ZNF385B: variants seen among roughly 807,000 people sequenced by gnomAD.
The protein encoded by ZNF385B is zinc finger protein 385B.
Under a neutral mutation model 39.2 loss-of-function variants are expected in ZNF385B, and 23 were observed. The observed-to-expected ratio is 0.59, with a 90% CI of 0.42 to 0.83. The LOEUF (loss-of-function observed/expected upper bound fraction) is 0.83. ZNF385B is among the 40% of genes least tolerant of loss of function. The pLI, the probability that ZNF385B is intolerant of heterozygous loss-of-function variation, is 0.00. For missense variants in ZNF385B, 552 were observed against 598.9 expected (o/e 0.92, Z 0.82); for synonymous variants, 205 against 222.6 (o/e 0.92, Z 0.70).
chr2:179,579,481 A>G (rs1686232082), intron 3 of ZNF385B, among the ~76,000 whole-genome samples: 1 of 152,138 alleles, frequency 6.6e-6, no homozygotes, highest in Non-Finnish European at 1.5e-5. Context: ...GCTGTTTAAA[A>G]TATCTGCTAA....
At chr2:179,627,429 A>G (rs1414181343) in intron 3 of ZNF385B, among the ~76,000 whole-genome samples, 1 of 152,216 alleles carries the variant, frequency 6.6e-6, no homozygotes, top group East Asian at 1.9e-4. Context: ...AGTAGGAATT[A>G]TCCTCATTTT....
At chr2:179,767,565 GCT>G in intron 3 of ZNF385B, among the ~76,000 whole-genome samples, 1 of 152,278 alleles carries the variant, frequency 6.6e-6, no homozygotes, top group South Asian at 2.1e-4. Context: ...TAAGAGAGTT[GCT>G]ACCCAGCAGG....
rs1435203087 is a variant in ZNF385B, at chr2:179,551,670, CATAA to C, written c.299-6705_299-6702del. Among the ~76,000 whole-genome samples, 7 of 152,212 alleles carry C rather than the reference CATAA, an allele frequency of 4.6e-5. No homozygotes were observed. In the East Asian group the frequency reaches 1.4e-3, roughly 29 times the overall value. ...ATCCCACCACTTGATTAAAGATACC[CATAA>C]ATATAGAAACTCCAAACCCTGTGGT... On this transcript the variant is annotated intron_variant, in intron 3 of 9. Coordinates refer to ENST00000410066, the MANE Select transcript of ZNF385B (RefSeq NM_152520.6).
rs369734072 is a variant in ZNF385B at position 179,801,200 on chromosome 2, C to T, written c.-154-30528G>A. 2.4e-4 allele frequency among the ~76,000 whole-genome samples: 37 copies of T among 152,124 alleles called. 1 individual carries two copies. The South Asian group carries it at 7.0e-3, about 29-fold the overall frequency. ...TTTCTGCTAAAACTTGTGATTTCTCCTTCATACTATGGAGTTGTTACTAGG... is the reference window on the plus strand; with the variant it reads ...TTTCTGCTAAAACTTGTGATTTCTCTTTCATACTATGGAGTTGTTACTAGG... On this transcript the variant is annotated intron_variant, in intron 1 of 9. Coordinates refer to ENST00000410066, the MANE Select transcript of ZNF385B (RefSeq NM_152520.6).
In ZNF385B at chr2:179,742,784, T is replaced by G. The variant is rs575889386; in HGVS notation, c.298+26719A>C. ...GCCAAATTTGGATAGTACTTTCATT[T>G]TGCAATCATGTTTCTCAACTAAAAC... On this transcript the variant is annotated intron_variant, in intron 3 of 9. Coordinates refer to ENST00000410066, the MANE Select transcript of ZNF385B (RefSeq NM_152520.6). Among the ~76,000 whole-genome samples the G allele has an allele frequency of 2.0e-5, 3 of 152,114 alleles. No individual in the cohort carries two copies. The South Asian group carries it at 6.2e-4, about 31-fold the overall frequency.
chr2:179,593,908 C>T (rs373462157), intron 3 of ZNF385B, among the ~76,000 whole-genome samples: 1 of 152,168 alleles, frequency 6.6e-6, no homozygotes, highest in South Asian at 2.1e-4. Context: ...AATCTTTCTC[C>T]TGTCAAGAGT....
At chr2:179,459,698 A>T (rs902262841) in intron 6 of ZNF385B, among the ~76,000 whole-genome samples, 5 of 151,246 alleles carry the variant, frequency 3.3e-5, no homozygotes, top group Non-Finnish European at 5.9e-5. Flanking sequence ...TTTATTAAAT[A>T]AAAAATGTGC....
At chr2:179,792,444 G>T in intron 1 of ZNF385B, among the ~76,000 whole-genome samples, 1 of 139,038 alleles carries the variant, frequency 7.2e-6, no homozygotes, top group African/African-American at 2.7e-5. Flanking sequence ...GCACCATCTT[G>T]GCTCACTGCA....
Position 179,443,363 on chromosome 2 carries a change from G to A in ZNF385B, c.1348C>T (p.Pro450Ser), listed in dbSNP as rs2105519039. ...AAVSSALSLP[P>S]RPSASLFQAP... is the part of the protein sequence containing the mutation. ...TGGAAGAGCGAGGCAGAGGGCCGGG[G>A]TGGGAGTGACAGCGCTGAGGACACG... The change falls in exon 10 of 10, where the codon CCC becomes TCC. Residue 450 changes from proline to serine, a missense_variant. Coordinates refer to ENST00000410066, the MANE Select transcript of ZNF385B (RefSeq NM_152520.6). 1.9e-6 allele frequency: 3 copies of A among 1,612,602 alleles called. No individual in the cohort carries two copies. Among genetic ancestry groups the A allele is most frequent in the Non-Finnish European group, 2.5e-6 (3 of 1,179,522 alleles).
intron 3 of ZNF385B, among the ~76,000 whole-genome samples, chr2:179,572,337 GCTAA>G (rs957902156): frequency 6.6e-6 from 1 of 152,124 alleles, no homozygotes; most frequent in Non-Finnish European, 1.5e-5. Context: ...CCTTCATGGA[GCTAA>G]CTGCCTCGTG....
chr2:179,685,395 G>C (rs1697843931), intron 3 of ZNF385B, among the ~76,000 whole-genome samples: 1 of 152,100 alleles, frequency 6.6e-6, no homozygotes, highest in Non-Finnish European at 1.5e-5. Context: ...CTCCACATTT[G>C]ACTGATTCCA....
At chr2:179,552,283 G>T (rs1471696799) in intron 3 of ZNF385B, among the ~76,000 whole-genome samples, 1 of 149,122 alleles carries the variant, frequency 6.7e-6, no homozygotes, top group Non-Finnish European at 1.5e-5. Flanking sequence ...CAGAAGCAAA[G>T]AAAACACCTC....
At chr2:179,650,646 A>G (rs1163655851) in intron 3 of ZNF385B, among the ~76,000 whole-genome samples, 1 of 152,222 alleles carries the variant, frequency 6.6e-6, no homozygotes, top group Non-Finnish European at 1.5e-5. Flanking sequence ...TTTGGCAGTC[A>G]TTTGGTTATA....
At chr2:179,815,762 C>T (rs28520865) in intron 1 of ZNF385B, among the ~76,000 whole-genome samples, 68,103 of 151,910 alleles carry the variant, frequency 0.45, 15,784 homozygotes, top group Admixed American at 0.54. Context: ...TTATGTGTTA[C>T]AGTACACATT....
At chr2:179,762,533 C>T (rs1703465208) in intron 3 of ZNF385B, among the ~76,000 whole-genome samples, 1 of 152,054 alleles carries the variant, frequency 6.6e-6, no homozygotes, top group Non-Finnish European at 1.5e-5. Context: ...GTTTTGCATA[C>T]CTGGAATAAA....
chr2:179,695,085 C>T (rs964503311), intron 3 of ZNF385B, among the ~76,000 whole-genome samples: 29 of 152,160 alleles, frequency 1.9e-4, no homozygotes, highest in African/African-American at 7.0e-4. Flanking sequence ...CTCTATATTT[C>T]CTTAGTGTCA....
rs371782159 is a variant in ZNF385B, at chr2:179,530,946, C to CA, written c.442-12309dup. Among the ~76,000 whole-genome samples the CA allele has an allele frequency of 2.4e-3, 366 of 151,260 alleles. 2 individuals are homozygous for CA. The highest frequency in any genetic ancestry group is 8.3e-3 in the African/African-American group (344 of 41,286). On this transcript the variant is annotated intron_variant, in intron 4 of 9. Coordinates refer to ENST00000410066, the MANE Select transcript of ZNF385B (RefSeq NM_152520.6). ...AGGGATCATCTACATTTTCAAACTT[C>CA]AAAAAAAAATTGTTTTCGTTTAAGC...
intron 1 of ZNF385B, among the ~76,000 whole-genome samples, chr2:179,844,066 A>T (rs1179649141): frequency 6.6e-6 from 1 of 152,204 alleles, no homozygotes; most frequent in South Asian, 2.1e-4. Context: ...CAATGAGCCC[A>T]TACTCCTTTT....
At chr2:179,850,390 G>C (rs72625262) in intron 1 of ZNF385B, among the ~76,000 whole-genome samples, 4 of 152,110 alleles carry the variant, frequency 2.6e-5, no homozygotes, top group Non-Finnish European at 4.4e-5. Flanking sequence ...CTTCAAGGCA[G>C]CCATACCATT....
Sources: allele counts gnomAD v4.1 joint callset (sites outside exome capture counted in the v4.1 genomes callset), GRCh38; gene constraint gnomAD v4.1.1; transcripts MANE v1.5; gene names NCBI Gene and HGNC (gene_info 2026-07-23, HGNC 2026-07-21).